The following SLC25A21 variants were observed in gnomAD, a reference collection of about 807,000 sequenced individuals.
The protein encoded by SLC25A21 is solute carrier family 25 member 21.
SLC25A21 carries 47 observed loss-of-function variants against 43.8 expected under a neutral mutation model. The observed-to-expected ratio is 1.07, with a 90% CI of 0.85 to 1.37. The LOEUF is 1.37. Ranked by LOEUF, SLC25A21 falls within the 40% of genes most tolerant of loss-of-function variation. The pLI, the probability that SLC25A21 is intolerant of heterozygous loss-of-function variation, is 0.00. For synonymous variants in SLC25A21, 131 were observed against 121.3 expected (o/e 1.08, Z -0.52); for missense variants, 352 against 350.2 (o/e 1.00, Z -0.04).
At position 36,828,071 on chromosome 14, in the gene SLC25A21, G is replaced by A. The variant is rs1888900535; in HGVS notation, c.120-14070C>T. Among the ~76,000 whole-genome samples the A allele has an allele frequency of 2.0e-5, 3 of 151,888 alleles. No individual in the cohort carries two copies. The South Asian group carries it at 6.2e-4, about 32-fold the overall frequency. ...TCTCAATGTGACTCACATAAAGGGG[G>A]AGGTGGTTTATGACGAGATCATGTG... is the stretch of plus-strand genomic sequence containing the variant. On this transcript the variant is annotated intron_variant, in intron 2 of 9. Coordinates refer to ENST00000331299, the MANE Select transcript of SLC25A21 (RefSeq NM_030631.4).
chr14:37,058,105 T>G (rs887204761), intron 1 of SLC25A21, among the ~76,000 whole-genome samples: 1 of 152,326 alleles, frequency 6.6e-6, no homozygotes, highest in Non-Finnish European at 1.5e-5. Context: ...GTTCAAAATT[T>G]TATTAAACAA....
In SLC25A21 at chr14:36,847,174, C is replaced by T. The variant is rs1163536659; in HGVS notation, c.119+27782G>A. On this transcript the variant is annotated intron_variant, in intron 2 of 9. Transcript: ENST00000331299. ...TCTGAATTCTGAAACATATCTGTCC[C>T]CAAGAGTTTTGGTTAAGAAATTTAG... Among the ~76,000 whole-genome samples the T allele has an allele frequency of 2.0e-5, 3 of 152,036 alleles. No homozygotes were observed. The East Asian group carries it at 5.8e-4, about 29-fold the overall frequency.
At chr14:36,830,419 G>A (rs1888995414) in intron 2 of SLC25A21, among the ~76,000 whole-genome samples, 1 of 152,116 alleles carries the variant, frequency 6.6e-6, no homozygotes, top group Non-Finnish European at 1.5e-5. Flanking sequence ...AACAAAGATT[G>A]TGTGAATATC....
At chr14:36,810,961 G>GGGGGAAATAAT (rs1555329750) in intron 3 of SLC25A21, among the ~76,000 whole-genome samples, 96 of 150,486 alleles carry the variant, frequency 6.4e-4, no homozygotes, top group Non-Finnish European at 1.1e-3. Context: ...AGAAAAGAGG[G>GGGGGAAATAAT]TCAGGGAGGG....
intron 1 of SLC25A21, among the ~76,000 whole-genome samples, chr14:36,898,801 C>T (rs1891322374): frequency 1.3e-5 from 2 of 152,124 alleles, no homozygotes; most frequent in South Asian, 4.1e-4. Flanking sequence ...AGATGTTGAT[C>T]AAAGGATACA....
intron 2 of SLC25A21, among the ~76,000 whole-genome samples, chr14:36,836,427 C>G (rs1264796460): frequency 6.6e-6 from 1 of 152,200 alleles, no homozygotes; most frequent in East Asian, 1.9e-4. Flanking sequence ...TTTATAAATT[C>G]AAGGTTTTTC....
chr14:36,703,525 C>A (rs1450797927), intron 7 of SLC25A21, among the ~76,000 whole-genome samples: 1 of 152,144 alleles, frequency 6.6e-6, no homozygotes, highest in Non-Finnish European at 1.5e-5. Context: ...ATATTTCTAA[C>A]CCACACATGT....
Position 36,915,403 on chromosome 14 carries a change from C to A in SLC25A21, c.71-40399G>T, listed in dbSNP as rs545057643. On this transcript the variant is annotated intron_variant, in intron 1 of 9. Coordinates refer to ENST00000331299, the MANE Select transcript of SLC25A21 (RefSeq NM_030631.4). ...AGAAGCACAGCAAAAGGGGTGGAGACAATTGGATGCAGGGATGCTAGAAAC... is the reference window on the plus strand; with the variant it reads ...AGAAGCACAGCAAAAGGGGTGGAGAAAATTGGATGCAGGGATGCTAGAAAC... Among the ~76,000 whole-genome samples, 212 of 152,214 alleles carry A rather than the reference C, an allele frequency of 1.4e-3. 1 individual carries two copies. Among genetic ancestry groups the A allele is most frequent in the Non-Finnish European group, 6.0e-4 (41 of 68,008 alleles).
intron 1 of SLC25A21, among the ~76,000 whole-genome samples, chr14:36,958,094 C>A (rs1280978778): frequency 1.3e-5 from 2 of 151,806 alleles, no homozygotes; most frequent in African/African-American, 4.9e-5. Context: ...AACCATTAGG[C>A]CTTTATCATA....
chr14:36,837,868 C>T (rs564298841), intron 2 of SLC25A21, among the ~76,000 whole-genome samples: 65 of 152,312 alleles, frequency 4.3e-4, no homozygotes, highest in Middle Eastern at 3.4e-3. Context: ...GCTCTCCAGT[C>T]CTGTGATCCA....
At chr14:36,739,247 G>C (rs1390698373) in intron 3 of SLC25A21, among the ~76,000 whole-genome samples, 1 of 152,096 alleles carries the variant, frequency 6.6e-6, no homozygotes, top group African/African-American at 2.4e-5. Flanking sequence ...TGATAGAACT[G>C]GTCTAAGATG....
At chr14:37,162,707 T>G (rs1460356354) in intron 1 of SLC25A21, among the ~76,000 whole-genome samples, 14 of 152,152 alleles carry the variant, frequency 9.2e-5, no homozygotes, top group African/African-American at 3.4e-4. Context: ...TGTAAACTAG[T>G]TCAACCACTG....
At chr14:37,040,263 G>GAA (rs1239505309) in intron 1 of SLC25A21, among the ~76,000 whole-genome samples, 1 of 37,318 alleles carries the variant, frequency 2.7e-5, no homozygotes, top group African/African-American at 3.2e-4. Context: ...AGGGAGGGAG[G>GAA]GAGGGAGGAA....
chr14:37,108,688 G>A (rs1594797197), intron 1 of SLC25A21, among the ~76,000 whole-genome samples: 1 of 148,082 alleles, frequency 6.8e-6, no homozygotes, highest in South Asian at 2.2e-4. Flanking sequence ...GGAATTAAAA[G>A]ATGTGAGTTT....
At chr14:36,785,748 G>A (rs1594586034) in intron 3 of SLC25A21, among the ~76,000 whole-genome samples, 1 of 152,142 alleles carries the variant, frequency 6.6e-6, no homozygotes, top group Non-Finnish European at 1.5e-5. Context: ...TAGTCACCTT[G>A]CAAGAAGAAT....
At chr14:36,701,653 C>G (rs1474235536) in intron 7 of SLC25A21, among the ~76,000 whole-genome samples, 3 of 151,984 alleles carry the variant, frequency 2.0e-5, no homozygotes, top group Non-Finnish European at 4.4e-5. Context: ...TATATCATCT[C>G]CTGTATATAT....
intron 1 of SLC25A21, among the ~76,000 whole-genome samples, chr14:37,136,130 G>A (rs573238656): frequency 1.3e-5 from 2 of 152,136 alleles, no homozygotes; most frequent in Non-Finnish European, 2.9e-5. Flanking sequence ...ATTAGAAATA[G>A]ACATTCAATA....
intron 1 of SLC25A21, among the ~76,000 whole-genome samples, chr14:37,023,812 C>T (rs1019451374): frequency 6.6e-6 from 1 of 151,972 alleles, no homozygotes; most frequent in African/African-American, 2.4e-5. Flanking sequence ...TGCCTCTCTC[C>T]TGCACCGAGA....
chr14:37,145,409 T>A (rs1014350922), intron 1 of SLC25A21, among the ~76,000 whole-genome samples: 1 of 150,478 alleles, frequency 6.6e-6, no homozygotes, highest in Non-Finnish European at 1.5e-5. Context: ...TCTATTCTCT[T>A]TGTAGCATGA....
Sources: gnomAD v4.1 joint callset for allele counts (sites outside exome capture counted in the v4.1 genomes callset) on GRCh38, gnomAD v4.1.1 for gene constraint, MANE v1.5 for transcripts, NCBI Gene and HGNC (gene_info 2026-07-23, HGNC 2026-07-21) for gene names.